LINGO2: variants seen among roughly 807,000 people sequenced by gnomAD.
LINGO2 encodes leucine-rich repeat and immunoglobulin-like domain-containing nogo receptor-interacting protein 2.
Under a neutral mutation model 30.6 loss-of-function variants are expected in LINGO2, and 14 were observed. That is an observed-to-expected ratio of 0.46 (90% CI 0.30 to 0.72). The LOEUF (loss-of-function observed/expected upper bound fraction) is 0.72. Among genes scored for constraint, LINGO2 ranks in the 30% least tolerant of loss-of-function variants. The probability of loss-of-function intolerance (pLI) is 0.07; values close to 1 mark genes in which losing one functional copy is unlikely to be tolerated. For missense variants in LINGO2, 729 were observed against 751.7 expected, an observed-to-expected ratio of 0.97 and a Z score of 0.35; for synonymous variants, 317 against 288.5, an observed-to-expected ratio of 1.10 and a Z score of -1.00.
the LINGO2 span, among the ~76,000 whole-genome samples, chr9:29,090,756 G>T: frequency 6.8e-6 from 1 of 147,524 alleles, no homozygotes; most frequent in Non-Finnish European, 1.5e-5. Context: ...TCTAAAGTCA[G>T]AATTTTAGTA....
chr9:28,155,690 G>A (rs1036638963), intron 4 of LINGO2, among the ~76,000 whole-genome samples: 3 of 152,162 alleles, frequency 2.0e-5, no homozygotes, highest in African/African-American at 7.2e-5. Context: ...TAGACTAAAT[G>A]TGTCTTCCCA....
At chr9:29,090,468 A>C in the LINGO2 span, among the ~76,000 whole-genome samples, 1 of 152,174 alleles carries the variant, frequency 6.6e-6, no homozygotes, top group African/African-American at 2.4e-5. Flanking sequence ...AAGTCTCCTA[A>C]GAGACTTCTT....
At chr9:28,254,366 CA>C (rs1822309367) in intron 4 of LINGO2, among the ~76,000 whole-genome samples, 2 of 151,956 alleles carry the variant, frequency 1.3e-5, no homozygotes, top group African/African-American at 2.4e-5. Context: ...AAAATGTGCA[CA>C]AAGGTTGCCC....
chr9:28,741,385 G>A, the LINGO2 span, among the ~76,000 whole-genome samples: 1 of 151,964 alleles, frequency 6.6e-6, no homozygotes, highest in Admixed American at 6.6e-5. Context: ...TGGGCCATAG[G>A]GGTTGGCCTG....
chr9:28,090,279 A>G (rs1826040115), intron 4 of LINGO2, among the ~76,000 whole-genome samples: 1 of 152,210 alleles, frequency 6.6e-6, no homozygotes, highest in South Asian at 2.1e-4. Flanking sequence ...ATTTCAGACC[A>G]ATATCCTTGA....
At chr9:29,026,500 T>C in the LINGO2 span, among the ~76,000 whole-genome samples, 1 of 152,186 alleles carries the variant, frequency 6.6e-6, no homozygotes, top group Admixed American at 6.6e-5. Context: ...CTTTAATTTT[T>C]TACTCTTTAA....
intron 4 of LINGO2, among the ~76,000 whole-genome samples, chr9:28,049,415 A>ATCCAAAAAATTTAT (rs1824569164): frequency 6.6e-6 from 1 of 150,616 alleles, no homozygotes; most frequent in Non-Finnish European, 1.5e-5. Context: ...AAAACATATT[A>ATCCAAAAAATTTAT]GATCTTATTT....
At chr9:28,263,208 A>G (rs997278417) in intron 4 of LINGO2, among the ~76,000 whole-genome samples, 1 of 151,990 alleles carries the variant, frequency 6.6e-6, no homozygotes, top group Admixed American at 6.6e-5. Flanking sequence ...AACAGGAAGG[A>G]GTCTCCTGCA....
At chr9:29,054,181 G>C in the LINGO2 span, among the ~76,000 whole-genome samples, 2 of 152,126 alleles carry the variant, frequency 1.3e-5, no homozygotes, top group South Asian at 4.1e-4. Flanking sequence ...TGTATTTCTA[G>C]AAAACAGTAG....
chr9:29,200,242 T>C, the LINGO2 span, among the ~76,000 whole-genome samples: 4 of 152,028 alleles, frequency 2.6e-5, no homozygotes, highest in Admixed American at 2.0e-4. Context: ...TCTGTAACAT[T>C]GGCCAAATAG....
At chr9:28,455,547 G>A (rs1413285849) in intron 2 of LINGO2, among the ~76,000 whole-genome samples, 2 of 151,992 alleles carry the variant, frequency 1.3e-5, no homozygotes, top group Non-Finnish European at 2.9e-5. Context: ...AGTGTAGGAT[G>A]CAACTAAAGT....
chr9:28,053,200 A>AT (rs1824757696), intron 4 of LINGO2, among the ~76,000 whole-genome samples: 2 of 152,072 alleles, frequency 1.3e-5, no homozygotes, highest in African/African-American at 4.8e-5. Flanking sequence ...TATACAGGCC[A>AT]TGTAGCATTT....
chr9:28,906,685 C>T, the LINGO2 span, among the ~76,000 whole-genome samples: 4 of 151,894 alleles, frequency 2.6e-5, no homozygotes, highest in Admixed American at 6.6e-5. Flanking sequence ...TGAAATCCTG[C>T]TCCATTCCGA....
the LINGO2 span, among the ~76,000 whole-genome samples, chr9:28,792,059 A>ATATG: frequency 0.029 from 4,328 of 151,360 alleles, 184 homozygotes; most frequent in African/African-American, 0.099. Context: ...GTATATATAT[A>ATATG]TATGTATGTA....
chr9:28,610,650 T>C (rs910499509), intron 1 of LINGO2, among the ~76,000 whole-genome samples: 3 of 152,200 alleles, frequency 2.0e-5, no homozygotes, highest in Non-Finnish European at 2.9e-5. Flanking sequence ...TGCCAGTTCC[T>C]TGATCTTAAG....
At chr9:28,710,158 C>A in the LINGO2 span, among the ~76,000 whole-genome samples, 8 of 151,382 alleles carry the variant, frequency 5.3e-5, no homozygotes, top group Non-Finnish European at 8.8e-5. Context: ...GTGCTAGACC[C>A]TCATGAGTGA....
chr9:28,816,910 A>AT, the LINGO2 span, among the ~76,000 whole-genome samples: 1 of 152,034 alleles, frequency 6.6e-6, no homozygotes. Context: ...GCATTTAAGA[A>AT]TTTTTTTTCC....
the LINGO2 span, among the ~76,000 whole-genome samples, chr9:29,018,959 A>G: frequency 6.6e-6 from 1 of 152,148 alleles, no homozygotes; most frequent in Admixed American, 6.6e-5. Flanking sequence ...ATTTTCTGAA[A>G]TATGATCTTC....
intron 1 of LINGO2, among the ~76,000 whole-genome samples, chr9:28,569,837 A>C (rs1823584349): frequency 6.6e-6 from 1 of 152,006 alleles, no homozygotes; most frequent in Non-Finnish European, 1.5e-5. Flanking sequence ...CTAAGTCAAT[A>C]AGCTTGATTG....
Sources: allele counts gnomAD v4.1 joint callset (sites outside exome capture counted in the v4.1 genomes callset), GRCh38; gene constraint gnomAD v4.1.1; transcripts MANE v1.5; gene names NCBI Gene and HGNC (gene_info 2026-07-23, HGNC 2026-07-21).